The following SOS2 variants were observed in gnomAD, a reference collection of about 807,000 sequenced individuals.
The protein encoded by SOS2 is son of sevenless homolog 2.
Under a neutral mutation model 148.2 loss-of-function variants are expected in SOS2, and 65 were observed. The ratio of observed to expected loss-of-function variants is 0.44; its 90% CI spans 0.36 to 0.54. The LOEUF (loss-of-function observed/expected upper bound fraction) is 0.54. Ranked by LOEUF, SOS2 falls within the 20% of genes least tolerant of loss-of-function variation. The pLI, the probability that SOS2 is intolerant of heterozygous loss-of-function variation, is 0.00. For synonymous variants in SOS2, 539 were observed against 537.1 expected (o/e 1.00, Z -0.05); for missense variants, 1,341 against 1,590.2 (o/e 0.84, Z 2.67).
chr14:50,155,573 T>C (rs953947332), intron 12 of SOS2, among the ~76,000 whole-genome samples: 2 of 152,178 alleles, frequency 1.3e-5, no homozygotes, highest in African/African-American at 4.8e-5. Flanking sequence ...CCTGAAATTG[T>C]ATAGGGATGT....
At chr14:50,172,420 T>TTTTTTTATTTTA (rs1368774956) in intron 8 of SOS2, among the ~76,000 whole-genome samples, 3 of 48,548 alleles carry the variant, frequency 6.2e-5, no homozygotes, top group African/African-American at 8.1e-5. Context: ...TATTCATTCC[T>TTTTTTTATTTTA]TTTTTTTTTT....
intron 7 of SOS2, among the ~76,000 whole-genome samples, chr14:50,176,086 C>T (rs553676038): frequency 6.6e-6 from 1 of 152,318 alleles, no homozygotes; most frequent in East Asian, 1.9e-4. Context: ...GATATGAGGG[C>T]AGAGCCCCTG....
rs190531092 is a variant in SOS2, at chr14:50,192,100, C to T, written c.511-3400G>A. Among the ~76,000 whole-genome samples the T allele has an allele frequency of 6.6e-4, 87 of 130,830 alleles. No individual in the cohort carries two copies. In the East Asian group the frequency reaches 0.015, roughly 23 times the overall value. The allele number at this position is 130,830 out of a possible 152,430, so 85.8% of individuals were successfully genotyped here. A position where few individuals can be genotyped will look rare whatever the true frequency, so the allele number is the denominator to read the frequency against. ...TCTGGAGGTTGAGGCTGCAGTGAGC[C>T]GTGTTCACACCACCGTACTCCGGCT... On this transcript the variant is annotated intron_variant, in intron 4 of 22. Coordinates refer to ENST00000216373, the MANE Select transcript of SOS2 (RefSeq NM_006939.4).
chr14:50,215,373 C>G (rs1258011893), intron 1 of SOS2: 24 of 1,278,106 alleles, frequency 1.9e-5, no homozygotes, highest in Middle Eastern at 2.1e-4. Context: ...TAAAATCTCA[C>G]CCATAAATGC....
At chr14:50,181,450 A>AG in intron 6 of SOS2, among the ~76,000 whole-genome samples, 1 of 151,792 alleles carries the variant, frequency 6.6e-6, no homozygotes, top group African/African-American at 2.4e-5. Flanking sequence ...TCCATGTCAA[A>AG]AAAAAAAATG....
intron 4 of SOS2, among the ~76,000 whole-genome samples, chr14:50,194,260 G>A (rs919218846): frequency 6.6e-6 from 1 of 152,232 alleles, no homozygotes; most frequent in Non-Finnish European, 1.5e-5. Flanking sequence ...CAAGAAAGAC[G>A]TATGGCCCAC....
chr14:50,204,286 C>A lies in SOS2; in HGVS notation c.211G>T (p.Glu71Ter). 6.4e-7 allele frequency: 1 copy of A among 1,567,746 alleles called. No homozygotes were observed. The highest frequency in any genetic ancestry group is 8.6e-7 in the Non-Finnish European group (1 of 1,161,332). Reference protein sequence around the residue: ...MAQPRTVQDVEERVQKTFPHP... With the variant: ...MAQPRTVQDV ...TGAAATGACAAAATAATTTTTACCT[C>A]TACATCTTGAACAGTCCTTGGCTGG... Residue 71 changes from glutamate (E) to a stop codon, truncating the protein, a stop_gained and splice_region_variant, in exon 2 of 23, where the codon GAG (glutamate) becomes TAG (stop). Transcript: ENST00000216373. LOFTEE classifies it high-confidence loss of function.
Position 50,118,685 on chromosome 14 carries a change from G to C in SOS2, c.3658C>G (p.Pro1220Ala). Residue 1220 changes from proline (P) to alanine (A), a missense_variant, in exon 23 of 23, where the codon CCC (proline) becomes GCC (alanine). This residue lies in a region of SOS2 where 354 missense variants were observed against 347.7 expected (regional missense o/e 1.02). Transcript: ENST00000216373. Reference sequence around the variant, plus strand: ...ATAAAGTGTTCTGGAGGCCGAAGGGGAACTGGTGGAGGGGTATCAGGAAGA... The same window carrying C: ...ATAAAGTGTTCTGGAGGCCGAAGGGCAACTGGTGGAGGGGTATCAGGAAGA... ...DPLPDTPPPVPLRPPEHFINC... is the reference protein window; with the variant it reads ...DPLPDTPPPVALRPPEHFINC... 1.2e-6 allele frequency: 2 copies of C among 1,613,784 alleles called. No individual in the cohort carries two copies. The highest frequency in any genetic ancestry group is 1.7e-6 in the Non-Finnish European group (2 of 1,179,944).
chr14:50,204,543 A>G, intron 1 of SOS2, 134 bp from the exon 2 acceptor site: 1 of 591,984 alleles, frequency 1.7e-6, no homozygotes, highest in Non-Finnish European at 2.9e-6. Context: ...TGAAGAAAAA[A>G]ACTATTTGTT....
intron 1 of SOS2, among the ~76,000 whole-genome samples, chr14:50,228,167 G>C (rs901297778): frequency 6.6e-6 from 1 of 151,452 alleles, no homozygotes; most frequent in East Asian, 1.9e-4. Context: ...TCAGCCTCCT[G>C]AGCAGCTGGG....
intron 4 of SOS2, among the ~76,000 whole-genome samples, chr14:50,190,491 G>C (rs1369453166): frequency 2.0e-5 from 3 of 151,990 alleles, no homozygotes; most frequent in African/African-American, 7.3e-5. Context: ...TTTTAAATCT[G>C]GTCAGCTCTC....
chr14:50,187,186 T>C (rs183160917), intron 5 of SOS2, among the ~76,000 whole-genome samples: 1 of 152,106 alleles, frequency 6.6e-6, no homozygotes, highest in East Asian at 1.9e-4. Context: ...AAATTTTAAA[T>C]TTTTTTGTAG....
chr14:50,215,620 C>A (rs546696677), intron 1 of SOS2: 1 of 264,166 alleles, frequency 3.8e-6, no homozygotes, highest in African/African-American at 2.3e-5. Flanking sequence ...TACTGTAACA[C>A]TATAAATAGA....
At chr14:50,132,204 A>G (rs1883897547) in intron 19 of SOS2, among the ~76,000 whole-genome samples, 1 of 152,082 alleles carries the variant, frequency 6.6e-6, no homozygotes, top group African/African-American at 2.4e-5. Context: ...GTCCAGTCAA[A>G]GCAAAACCAA....
chr14:50,147,758 C>T (rs1407225984), intron 14 of SOS2, among the ~76,000 whole-genome samples: 1 of 152,008 alleles, frequency 6.6e-6, no homozygotes, highest in Non-Finnish European at 1.5e-5. Context: ...TTTTTGAATG[C>T]CTGAGTATTT....
At chr14:50,161,322 A>G (rs1280186698) in intron 9 of SOS2, among the ~76,000 whole-genome samples, 160 bp downstream of exon 9, 3 of 152,006 alleles carry the variant, frequency 2.0e-5, no homozygotes, top group East Asian at 1.9e-4. Flanking sequence ...AAGGAAAAGG[A>G]AAAAAGAGAG....
chr14:50,163,067 A>G (rs1321268915), intron 8 of SOS2, among the ~76,000 whole-genome samples: 1 of 150,118 alleles, frequency 6.7e-6, no homozygotes, highest in Non-Finnish European at 1.5e-5. Flanking sequence ...ATGCTTGGCT[A>G]ATTTTTTTTT....
chr14:50,135,139 A>G (rs1475349369), intron 18 of SOS2, among the ~76,000 whole-genome samples: 6 of 151,222 alleles, frequency 4.0e-5, no homozygotes, highest in African/African-American at 1.5e-4. Flanking sequence ...AGTTAAACCT[A>G]TCTGTGCTAA....
intron 1 of SOS2, among the ~76,000 whole-genome samples, chr14:50,217,037 A>G (rs890463923): frequency 6.6e-6 from 1 of 152,234 alleles, no homozygotes; most frequent in African/African-American, 2.4e-5. Flanking sequence ...AAGGGCTAAC[A>G]CTACCTGATT....
Sources: gnomAD v4.1 joint callset for allele counts (sites outside exome capture counted in the v4.1 genomes callset) on GRCh38, gnomAD v4.1.1 for gene constraint, gnomAD v4.1.1 regional missense constraint, MANE v1.5 for transcripts, NCBI Gene and HGNC (gene_info 2026-07-23, HGNC 2026-07-21) for gene names.